Variants in DNMT3L observed in about 807,000 individuals in gnomAD.
DNMT3L encodes the protein DNA methyltransferase 3 like.
A neutral mutation model predicts 36.2 loss-of-function variants in DNMT3L; 33 were observed. That is an observed-to-expected ratio of 0.91 (90% CI 0.69 to 1.22). The LOEUF (loss-of-function observed/expected upper bound fraction) is 1.22. Among genes scored for constraint, DNMT3L ranks in the 50% most tolerant of loss-of-function variants. The pLI, the probability that DNMT3L is intolerant of heterozygous loss-of-function variation, is 0.00. For missense variants in DNMT3L, 310 were observed against 303.1 expected (o/e 1.02, Z -0.17); for synonymous variants, 117 against 121.7 (o/e 0.96, Z 0.26).
In DNMT3L at chr21:44,260,765, T is replaced by C. The variant is rs1474211341; in HGVS notation, c.151+30A>G. Reference sequence around the variant, plus strand: ...GAGCCACTGTGCCCCGTCTCTTTTGTCTGGTGTGGGCCAGTATGCAAACAC... The same window carrying C: ...GAGCCACTGTGCCCCGTCTCTTTTGCCTGGTGTGGGCCAGTATGCAAACAC... On this transcript the variant is annotated intron_variant, in intron 3 of 11. Transcript: ENST00000628202. The C allele has an allele frequency of 5.0e-6, 8 of 1,612,944 alleles. 1 individual carries two copies. The Middle Eastern group carries it at 6.6e-4, about 133-fold the overall frequency.
In DNMT3L at chr21:44,258,230, G is replaced by C. The variant is rs1306702180; in HGVS notation, c.516+293C>G. Among the ~76,000 whole-genome samples the C allele has an allele frequency of 6.6e-6, 1 of 152,050 alleles. No homozygotes were observed. Among genetic ancestry groups the C allele is most frequent in the African/African-American group, 2.4e-5 (1 of 41,402 alleles). ...CTGGCCAGCAGAAGCCCAGGCACTT[G>C]CTCCTGAGGACTGGACTTTGAGACG... is the stretch of plus-strand genomic sequence containing the variant. On this transcript the variant is annotated intron_variant, in intron 6 of 11. Transcript: ENST00000628202. The surrounding 1 kb of genome is among the most constrained non-coding windows in gnomAD (Gnocchi z 6.2).
At chr21:44,253,230 A>C (rs1179625767) in intron 8 of DNMT3L, among the ~76,000 whole-genome samples, 1 of 71,850 alleles carries the variant, frequency 1.4e-5, no homozygotes, top group Non-Finnish European at 2.8e-5. Flanking sequence ...GCCCCCACAG[A>C]GTAGCTCCCT....
At position 44,260,924 on chromosome 21, in the gene DNMT3L, C is replaced by T. The variant is rs765230620; in HGVS notation, c.107-85G>A. 1,966 of 1,602,780 alleles carry T rather than the reference C, an allele frequency of 1.2e-3. 3 individuals are homozygous for T. The highest frequency in any genetic ancestry group is 1.5e-3 in the Non-Finnish European group (1,760 of 1,173,046). ...CGGCCAGGAAGTGAGCATCACAATT[C>T]GTTTTCCAAAGTCACAGGAGCCTGA... On this transcript the variant is annotated intron_variant, in intron 2 of 11. Transcript: ENST00000628202.
At chr21:44,256,209 C>A (rs1186479896) in intron 6 of DNMT3L, 55 bp from the exon 7 acceptor site, 7 of 1,574,824 alleles carry the variant, frequency 4.4e-6, no homozygotes, top group Admixed American at 3.3e-5. Flanking sequence ...GCTACAGAGC[C>A]CTTGAGTTAC....
chr21:44,257,420 G>A (rs1320888981), intron 6 of DNMT3L, among the ~76,000 whole-genome samples: 2 of 151,822 alleles, frequency 1.3e-5, no homozygotes, highest in Non-Finnish European at 2.9e-5. Context: ...GGTGGCTCAC[G>A]CCTGTAATCC....
intron 6 of DNMT3L, among the ~76,000 whole-genome samples, chr21:44,256,815 C>T (rs12482693): frequency 0.26 from 39,959 of 152,070 alleles, 5,433 homozygotes; most frequent in Admixed American, 0.36. Context: ...AAAGGGCCAA[C>T]CCCCAAGGCC....
intron 7 of DNMT3L, 96 bp downstream of exon 7, chr21:44,255,971 G>A: frequency 7.7e-7 from 1 of 1,303,954 alleles, no homozygotes; most frequent in Non-Finnish European, 1.1e-6. Flanking sequence ...GGCCGGTCTA[G>A]GGGAGGGGGT....
rs1041681117 is a variant in DNMT3L at position 44,261,836 on chromosome 21, C to G, written c.-104G>C. 2 of 152,362 alleles carry G rather than the reference C, an allele frequency of 1.3e-5. No homozygotes were observed. The highest frequency in any genetic ancestry group is 4.8e-5 in the African/African-American group (2 of 41,252). The allele number at this position is 152,362 out of a possible 1,614,324, so 9.4% of individuals were successfully genotyped here. A position where few individuals can be genotyped will look rare whatever the true frequency, so the allele number is the denominator to read the frequency against. On this transcript the variant is annotated 5_prime_UTR_variant, in exon 1 of 12. Transcript: ENST00000628202. ...CTCAGGGTCCCCGGGGAGGACTGGG[C>G]CATGGAACGAGGGACGGCGCAGGCA...
In DNMT3L at chr21:44,258,397, G is replaced by C. The variant is rs1012628176; in HGVS notation, c.516+126C>G. The C allele has an allele frequency of 7.6e-7, 1 of 1,323,590 alleles. No homozygotes were observed. The highest frequency in any genetic ancestry group is 1.5e-5 in the African/African-American group (1 of 66,986). The allele number at this position is 1,323,590 out of a possible 1,614,324, so 82.0% of individuals were successfully genotyped here. ...CTATCGGAGAGGAACCCAGGAAAGA[G>C]TGTTTGCTCCCGAGGCTGCAGCCGT... On this transcript the variant is annotated intron_variant, in intron 6 of 11. Transcript: ENST00000628202. This position sits in a 1 kb window ranked among gnomAD's most constrained non-coding sequence, Gnocchi z 6.2.
chr21:44,259,856 C>G, intron 3 of DNMT3L, 145 bp from the exon 4 acceptor site: 1 of 860,778 alleles, frequency 1.2e-6, no homozygotes, highest in Non-Finnish European at 1.8e-6. Flanking sequence ...GAAGATGGAA[C>G]AAAATGGAAA....
rs974341720 is a variant in DNMT3L, at chr21:44,258,435, C to T, written c.516+88G>A. 2.4e-5 allele frequency: 34 copies of T among 1,445,542 alleles called. No homozygotes were observed. The highest frequency in any genetic ancestry group is 2.8e-5 in the Non-Finnish European group (31 of 1,091,912). The allele number at this position is 1,445,542 out of a possible 1,614,324, so 89.5% of individuals were successfully genotyped here. A position where few individuals can be genotyped will look rare whatever the true frequency, so the allele number is the denominator to read the frequency against. On this transcript the variant is annotated intron_variant, in intron 6 of 11. Transcript: ENST00000628202. The surrounding 1 kb of genome is among the most constrained non-coding windows in gnomAD (Gnocchi z 6.2). ...AGGCTGCAGCCGTGGTGCCCGTCGG[C>T]GCGCCTGCATTCTGCAGCGGGAACC...
intron 6 of DNMT3L, among the ~76,000 whole-genome samples, chr21:44,257,685 AAAAAAAAAAAATAAAT>A (rs796625204): frequency 3.5e-4 from 16 of 46,302 alleles, no homozygotes; most frequent in South Asian, 3.0e-3. Flanking sequence ...CGTCTCAAAA[AAAAAAAAAAAATAAAT>A]AAATAAATAA....
At chr21:44,256,221 A>G (rs2040257994) in intron 6 of DNMT3L, 67 bp from the exon 7 acceptor site, 2 of 1,531,488 alleles carry the variant, frequency 1.3e-6, no homozygotes, top group South Asian at 1.1e-5. Flanking sequence ...TTGAGTTACA[A>G]TGAAAATTCT....
At chr21:44,257,629 C>T (rs187962907) in intron 6 of DNMT3L, among the ~76,000 whole-genome samples, 8,773 of 145,188 alleles carry the variant, frequency 0.06, 540 homozygotes, top group East Asian at 0.28. Flanking sequence ...TGCAGTGAGC[C>T]GAGATCCCGC....
intron 5 of DNMT3L, among the ~76,000 whole-genome samples, chr21:44,259,046 G>A (rs1313103429): frequency 1.3e-5 from 2 of 152,082 alleles, no homozygotes; most frequent in African/African-American, 2.4e-5. Flanking sequence ...CTTGAGGAGT[G>A]GGGAGCTGTA....
chr21:44,254,128 C>T (rs1229636793), intron 8 of DNMT3L, among the ~76,000 whole-genome samples: 1 of 152,178 alleles, frequency 6.6e-6, no homozygotes, highest in African/African-American at 2.4e-5. Flanking sequence ...GGGGAACGCA[C>T]GACTGGAGCT....
At chr21:44,257,497 C>T in intron 6 of DNMT3L, among the ~76,000 whole-genome samples, 1 of 151,904 alleles carries the variant, frequency 6.6e-6, no homozygotes, top group South Asian at 2.1e-4. Context: ...CCGGCTAAAA[C>T]TGTGAAACCC....
intron 2 of DNMT3L, 84 bp from the exon 3 acceptor site, chr21:44,260,923 TC>T (rs1214751148): frequency 6.2e-7 from 1 of 1,604,046 alleles, no homozygotes; most frequent in Non-Finnish European, 8.5e-7. Context: ...GCATCACAAT[TC>T]GTTTTCCAAA....
intron 6 of DNMT3L, 100 bp from the exon 7 acceptor site, chr21:44,256,254 A>G: frequency 4.1e-6 from 5 of 1,226,022 alleles, no homozygotes; most frequent in Non-Finnish European, 5.9e-6. Context: ...CACTCACTCG[A>G]GACTCACCGG....
Sources: gnomAD v4.1 joint callset for allele counts (sites outside exome capture counted in the v4.1 genomes callset) on GRCh38, gnomAD v4.1.1 for gene constraint, Gnocchi (gnomAD v3.1) non-coding constraint, MANE v1.5 for transcripts, NCBI Gene and HGNC (gene_info 2026-07-23, HGNC 2026-07-21) for gene names.